The following TUSC3 variants were observed in gnomAD, a reference collection of about 807,000 sequenced individuals.
TUSC3 encodes tumor suppressor candidate 3, also known as dolichyl-diphosphooligosaccharide--protein glycosyltransferase subunit TUSC3.
In TUSC3, 45 loss-of-function variants were observed where a neutral mutation model predicts 44.8. The ratio of observed to expected loss-of-function variants is 1.00; its 90% CI spans 0.79 to 1.29. The LOEUF is 1.29. TUSC3 is among the 50% of genes most tolerant of loss of function. TUSC3 has a pLI of 0.00. For missense variants in TUSC3, 519 were observed against 437.9 expected, an observed-to-expected ratio of 1.19 and a Z score of -1.65; for synonymous variants, 212 against 152.9, an observed-to-expected ratio of 1.39 and a Z score of -2.85.
the TUSC3 span, among the ~76,000 whole-genome samples, chr8:15,772,732 A>G: frequency 6.6e-6 from 1 of 152,214 alleles, no homozygotes; most frequent in Non-Finnish European, 1.5e-5. Context: ...ATCTCTTATG[A>G]CAGTGCATGT....
chr8:15,570,758 G>A (rs1487553962), intron 1 of TUSC3, among the ~76,000 whole-genome samples: 1 of 151,862 alleles, frequency 6.6e-6, no homozygotes, highest in Admixed American at 6.6e-5. Context: ...TTCAAATGCA[G>A]AACTGACTTC....
At chr8:15,597,833 C>T (rs1211359354) in intron 1 of TUSC3, among the ~76,000 whole-genome samples, 1 of 151,952 alleles carries the variant, frequency 6.6e-6, no homozygotes, top group African/African-American at 2.4e-5. Context: ...GTATGGCCTA[C>T]ATTTTTAAGG....
chr8:15,646,575 CTTGTA>C (rs1806642302), intron 2 of TUSC3, among the ~76,000 whole-genome samples: 3 of 151,888 alleles, frequency 2.0e-5, no homozygotes, highest in South Asian at 4.2e-4. Flanking sequence ...GTATTCAATA[CTTGTA>C]TTATGTTAAA....
chr8:15,598,679 G>A (rs1457998888), intron 1 of TUSC3, among the ~76,000 whole-genome samples: 3 of 151,702 alleles, frequency 2.0e-5, no homozygotes, highest in African/African-American at 4.8e-5. Context: ...ATGTCATAAA[G>A]TTGGAATCAT....
intron 1 of TUSC3, among the ~76,000 whole-genome samples, chr8:15,481,678 T>C (rs1246775260): frequency 6.6e-6 from 1 of 152,202 alleles, no homozygotes; most frequent in East Asian, 1.9e-4. Flanking sequence ...CTGTTAAGTG[T>C]GCAATAGCAT....
intron 2 of TUSC3, among the ~76,000 whole-genome samples, chr8:15,524,593 C>T (rs575369179): frequency 2.0e-4 from 30 of 152,072 alleles, no homozygotes; most frequent in South Asian, 1.0e-3. Context: ...TCTCAAAGAG[C>T]GTAATTGGTG....
intron 6 of TUSC3, chr8:15,688,970 C>T (rs999419188): frequency 4.1e-6 from 1 of 241,528 alleles, no homozygotes. Flanking sequence ...CAGGAGACCT[C>T]TTTGCCCTGC....
intron 6 of TUSC3, among the ~76,000 whole-genome samples, chr8:15,675,726 A>G (rs925838170): frequency 1.3e-5 from 2 of 152,078 alleles, no homozygotes; most frequent in African/African-American, 4.8e-5. Flanking sequence ...TGCTTAGGAT[A>G]ATGGCCTCCA....
intron 2 of TUSC3, among the ~76,000 whole-genome samples, chr8:15,626,116 C>T (rs1330932261): frequency 1.3e-5 from 2 of 152,118 alleles, no homozygotes; most frequent in Non-Finnish European, 2.9e-5. Flanking sequence ...GCCCCCTGTG[C>T]CCTGTGTCCC....
intron 9 of TUSC3, among the ~76,000 whole-genome samples, chr8:15,749,004 A>T (rs1257670744): frequency 6.6e-6 from 1 of 152,194 alleles, no homozygotes; most frequent in Non-Finnish European, 1.5e-5. Context: ...CATTATTATT[A>T]CCAAACTATA....
intron 1 of TUSC3, among the ~76,000 whole-genome samples, chr8:15,542,972 C>T (rs1801739186): frequency 6.6e-6 from 1 of 152,192 alleles, no homozygotes; most frequent in South Asian, 2.1e-4. Flanking sequence ...ACTCAATAAG[C>T]ATGCGTATCT....
At chr8:15,483,648 G>GAT (rs1563263061) in intron 2 of TUSC3, among the ~76,000 whole-genome samples, 98 of 43,424 alleles carry the variant, frequency 2.3e-3, no homozygotes, top group African/African-American at 7.4e-3. Context: ...CTAGCACTGT[G>GAT]ATTTTTTTTT....
chr8:15,814,595 G>C, the TUSC3 span, among the ~76,000 whole-genome samples: 2 of 152,258 alleles, frequency 1.3e-5, no homozygotes, highest in South Asian at 4.1e-4. Context: ...CTCAGGAGTT[G>C]AATGAAAAAT....
chr8:15,731,931 A>G (rs1810741734), intron 7 of TUSC3, among the ~76,000 whole-genome samples: 1 of 152,146 alleles, frequency 6.6e-6, no homozygotes, highest in Non-Finnish European at 1.5e-5. Context: ...TGATTACGGT[A>G]TGGTGGGGAA....
At chr8:15,566,456 T>G (rs761160194) in intron 1 of TUSC3, among the ~76,000 whole-genome samples, 2 of 152,160 alleles carry the variant, frequency 1.3e-5, no homozygotes, top group Non-Finnish European at 2.9e-5. Flanking sequence ...GGCCTAAGTT[T>G]AAAGATTTTT....
intron 4 of TUSC3, 29 bp downstream of exon 4, chr8:15,659,676 A>C (rs2129179118): frequency 1.2e-6 from 2 of 1,609,674 alleles, no homozygotes; most frequent in Non-Finnish European, 1.7e-6. Flanking sequence ...CAGTTTTAAT[A>C]ATAGGCTGGT....
At chr8:15,577,130 A>G (rs1585118471) in intron 1 of TUSC3, among the ~76,000 whole-genome samples, 3 of 146,344 alleles carry the variant, frequency 2.0e-5, no homozygotes, top group Admixed American at 6.9e-5. Context: ...GTGTCTGTTC[A>G]TGTCCTTTGC....
At chr8:15,443,936 A>G (rs989529623) in intron 1 of TUSC3, among the ~76,000 whole-genome samples, 27 of 151,948 alleles carry the variant, frequency 1.8e-4, no homozygotes, top group African/African-American at 6.5e-4. Flanking sequence ...TGCCTAACCA[A>G]TCAGCACTCC....
At chr8:15,494,357 G>T (rs1488550116) in intron 2 of TUSC3, among the ~76,000 whole-genome samples, 7 of 142,842 alleles carry the variant, frequency 4.9e-5, no homozygotes, top group Non-Finnish European at 7.5e-5. Flanking sequence ...TCGCTCTGTC[G>T]CCCAGGCTGG....
Sources: gnomAD v4.1 joint callset for allele counts (sites outside exome capture counted in the v4.1 genomes callset) on GRCh38, gnomAD v4.1.1 for gene constraint, MANE v1.5 for transcripts, NCBI Gene and HGNC (gene_info 2026-07-23, HGNC 2026-07-21) for gene names.